The following DPP10 variants were observed in gnomAD, a reference collection of about 807,000 sequenced individuals.
DPP10 encodes dipeptidyl peptidase like 10.
DPP10 carries 33 observed loss-of-function variants against 120.9 expected under a neutral mutation model. The observed-to-expected ratio is 0.27, with a 90% CI of 0.21 to 0.37. The LOEUF (loss-of-function observed/expected upper bound fraction) is 0.37, where lower values mean the gene tolerates loss of function less well. Among genes scored for constraint, DPP10 ranks in the 10% least tolerant of loss-of-function variants. DPP10 has a pLI of 1.00. For synonymous variants in DPP10, 337 were observed against 326.1 expected, an observed-to-expected ratio of 1.03 and a Z score of -0.36; for missense variants, 816 against 942.8, an observed-to-expected ratio of 0.87 and a Z score of 1.76.
chr2:114,551,126 C>G (rs1687851041), intron 1 of DPP10, among the ~76,000 whole-genome samples: 1 of 152,166 alleles, frequency 6.6e-6, no homozygotes, highest in Non-Finnish European at 1.5e-5. Context: ...ATTTCTCCAT[C>G]TGGACTCATG....
In DPP10 at chr2:114,849,839, AT is replaced by A. The variant is rs533923028; in HGVS notation, c.60+407006del. Among the ~76,000 whole-genome samples, 76 of 152,178 alleles carry A rather than the reference AT, an allele frequency of 5.0e-4. 2 individuals carry two copies. The highest frequency in any genetic ancestry group is 1.4e-3 in the African/African-American group (58 of 41,528). On this transcript the variant is annotated intron_variant, in intron 1 of 25. Coordinates refer to ENST00000410059, the MANE Select transcript of DPP10 (RefSeq NM_020868.6). ...CCAGAGTAGTCTAGATAATCTGACA[AT>A]TTTTGCCTTACCACACATGGCTCTG...
chr2:114,600,068 T>C (rs1692242892), intron 1 of DPP10, among the ~76,000 whole-genome samples: 1 of 151,638 alleles, frequency 6.6e-6, no homozygotes, highest in South Asian at 2.1e-4. Flanking sequence ...AATTTTTTTT[T>C]CCCAGATCAG....
At chr2:114,896,674 T>A (rs1693031292) in intron 1 of DPP10, among the ~76,000 whole-genome samples, 1 of 152,226 alleles carries the variant, frequency 6.6e-6, no homozygotes, top group African/African-American at 2.4e-5. Context: ...AATCATGTCA[T>A]CTGCAAACAG....
In DPP10 at chr2:115,239,777, A is replaced by G. The variant is rs1306408005; in HGVS notation, c.61-69462A>G. ...AGCCCCCCACCCTCCGACAGGCCCC[A>G]GTATGTGATGTTCCCCTCCTTGTGT... is the stretch of plus-strand genomic sequence containing the variant. On this transcript the variant is annotated intron_variant, in intron 1 of 25. Coordinates refer to ENST00000410059, the MANE Select transcript of DPP10 (RefSeq NM_020868.6). 5.3e-5 allele frequency among the ~76,000 whole-genome samples: 8 copies of G among 152,004 alleles called. No homozygotes were observed. The East Asian group carries it at 1.6e-3, about 30-fold the overall frequency.
chr2:115,708,301 A>G (rs1051206256), intron 7 of DPP10, among the ~76,000 whole-genome samples: 2 of 152,042 alleles, frequency 1.3e-5, no homozygotes, highest in African/African-American at 4.8e-5. Context: ...TTAAAAAGCA[A>G]CTGTGACTTG....
At chr2:115,569,046 G>T (rs2081189152) in intron 5 of DPP10, among the ~76,000 whole-genome samples, 1 of 152,172 alleles carries the variant, frequency 6.6e-6, no homozygotes, top group African/African-American at 2.4e-5. Context: ...AATGTGAGAT[G>T]TGTACAAGTA....
chr2:115,131,522 C>CAAG (rs1220165673), intron 1 of DPP10, among the ~76,000 whole-genome samples: 1 of 151,624 alleles, frequency 6.6e-6, no homozygotes, highest in Non-Finnish European at 1.5e-5. Flanking sequence ...CAAAAAGTAA[C>CAAG]AAGAAGAAGA....
chr2:114,829,748 T>A (rs2106391481), intron 1 of DPP10, among the ~76,000 whole-genome samples: 1 of 152,154 alleles, frequency 6.6e-6, no homozygotes, highest in South Asian at 2.1e-4. Flanking sequence ...ACATTTTACT[T>A]CCTCTACCAT....
intron 3 of DPP10, among the ~76,000 whole-genome samples, chr2:115,482,262 T>C (rs868659132): frequency 2.6e-5 from 4 of 151,774 alleles, no homozygotes; most frequent in South Asian, 2.1e-4. Flanking sequence ...ATTTAATGTA[T>C]GTATACATCA....
intron 1 of DPP10, among the ~76,000 whole-genome samples, chr2:114,694,463 C>G (rs1699951064): frequency 2.0e-5 from 3 of 151,698 alleles, no homozygotes; most frequent in Non-Finnish European, 4.4e-5. Flanking sequence ...AACTCAGATA[C>G]CAATTCTCTC....
intron 1 of DPP10, among the ~76,000 whole-genome samples, chr2:114,808,262 T>C (rs1574237661): frequency 6.6e-6 from 1 of 152,320 alleles, no homozygotes; most frequent in East Asian, 1.9e-4. Flanking sequence ...AATTTAATTA[T>C]TCATTCTGTT....
intron 3 of DPP10, among the ~76,000 whole-genome samples, chr2:115,401,539 A>C (rs2068073915): frequency 6.6e-6 from 1 of 152,166 alleles, no homozygotes; most frequent in South Asian, 2.1e-4. Flanking sequence ...GCTGTGATCA[A>C]GCTATCACAC....
chr2:115,131,304 C>T lies in DPP10; in HGVS notation c.61-177935C>T, dbSNP rs534482299. On this transcript the variant is annotated intron_variant, in intron 1 of 25. Transcript: ENST00000410059. ...CCAAGGCAGGAGCATTACTTGATTC[C>T]AGGAGTTCAAGACAAGCCTGGGCAA... 1.4e-4 allele frequency among the ~76,000 whole-genome samples: 22 copies of T among 152,240 alleles called. 1 individual carries two copies. Among genetic ancestry groups the T allele is most frequent in the Middle Eastern group, 3.4e-3 (1 of 294 alleles).
chr2:114,477,471 A>G (rs1573440768), intron 1 of DPP10, among the ~76,000 whole-genome samples: 1 of 151,212 alleles, frequency 6.6e-6, no homozygotes, highest in African/African-American at 2.4e-5. Context: ...GCACACATAT[A>G]CACATACATA....
intron 21 of DPP10, among the ~76,000 whole-genome samples, chr2:115,822,420 A>G (rs942386507): frequency 1.3e-5 from 2 of 151,832 alleles, no homozygotes; most frequent in African/African-American, 2.4e-5. Context: ...AGTTCTTTTA[A>G]CTCATCTAGA....
At chr2:114,663,529 A>G (rs940867047) in intron 1 of DPP10, among the ~76,000 whole-genome samples, 1 of 150,014 alleles carries the variant, frequency 6.7e-6, no homozygotes, top group African/African-American at 2.5e-5. Flanking sequence ...TTGTTTTATT[A>G]TACATTTCAA....
At chr2:115,186,499 G>GCTT (rs2054447730) in intron 1 of DPP10, among the ~76,000 whole-genome samples, 1 of 152,142 alleles carries the variant, frequency 6.6e-6, no homozygotes, top group Non-Finnish European at 1.5e-5. Context: ...CTTATCCTTG[G>GCTT]TGGTAGTAGT....
At chr2:115,305,158 GTGATATCATAA>G (rs1482143526) in intron 1 of DPP10, among the ~76,000 whole-genome samples, 2 of 151,978 alleles carry the variant, frequency 1.3e-5, no homozygotes, top group African/African-American at 4.8e-5. Context: ...CCCCCTCCTT[GTGATATCATAA>G]TCTAACATGC....
chr2:115,457,157 T>C (rs1188018691), intron 3 of DPP10, among the ~76,000 whole-genome samples: 3 of 151,786 alleles, frequency 2.0e-5, no homozygotes, highest in Non-Finnish European at 4.4e-5. Context: ...GCAAGGCAAT[T>C]CAATGAAGGA....
Sources: gnomAD v4.1 joint callset for allele counts (sites outside exome capture counted in the v4.1 genomes callset) on GRCh38, gnomAD v4.1.1 for gene constraint, MANE v1.5 for transcripts, NCBI Gene and HGNC (gene_info 2026-07-23, HGNC 2026-07-21) for gene names.